DLGAP2: variants seen among roughly 807,000 people sequenced by gnomAD.
DLGAP2 encodes DLG associated protein 2.
A neutral mutation model predicts 100.3 loss-of-function variants in DLGAP2; 26 were observed. The observed-to-expected ratio is 0.26, with a 90% CI of 0.19 to 0.36. DLGAP2 has a LOEUF of 0.36. Among genes scored for constraint, DLGAP2 ranks in the 10% least tolerant of loss-of-function variants. The probability of loss-of-function intolerance (pLI) is 1.00; values close to 1 mark genes in which losing one functional copy is unlikely to be tolerated. For synonymous variants in DLGAP2, 886 were observed against 630.1 expected, an observed-to-expected ratio of 1.41 and a Z score of -6.08; for missense variants, 1,858 against 1,453.2, an observed-to-expected ratio of 1.28 and a Z score of -4.53.
intron 2 of DLGAP2, among the ~76,000 whole-genome samples, chr8:1,087,893 C>A (rs1378163237): frequency 2.0e-5 from 3 of 152,256 alleles, no homozygotes; most frequent in Non-Finnish European, 4.4e-5. Flanking sequence ...CCTGTCTCCA[C>A]ATCCATGTCA....
intron 2 of DLGAP2, among the ~76,000 whole-genome samples, chr8:997,793 A>G (rs1800822507): frequency 6.6e-6 from 1 of 152,192 alleles, no homozygotes; most frequent in African/African-American, 2.4e-5. Context: ...CTACCACAAA[A>G]AGTTAAATTT....
intron 1 of DLGAP2, among the ~76,000 whole-genome samples, chr8:748,347 C>G (rs932335443): frequency 1.3e-5 from 2 of 152,092 alleles, no homozygotes; most frequent in Admixed American, 1.3e-4. Flanking sequence ...TGCTTTCTGT[C>G]TCTGTCTCGC....
In DLGAP2 at chr8:1,285,603, A is replaced by G. The variant is rs960805047; in HGVS notation, c.106+26720A>G. ...GGAAATAATTCTGCTGATTCATACA[A>G]TAATCACTGCTTTTTCAGAGGGGAA... On this transcript the variant is annotated intron_variant, in intron 3 of 14. Transcript: ENST00000637795. Among the ~76,000 whole-genome samples, 46 of 152,226 alleles carry G rather than the reference A, an allele frequency of 3.0e-4. 1 individual carries two copies. The highest frequency in any genetic ancestry group is 7.4e-5 in the Non-Finnish European group (5 of 68,026).
chr8:759,414 C>T lies in DLGAP2; in HGVS notation c.18+21589C>T, dbSNP rs145177407. Among the ~76,000 whole-genome samples, 5 of 152,172 alleles carry T rather than the reference C, an allele frequency of 3.3e-5. No individual in the cohort carries two copies. In the East Asian group the frequency reaches 7.7e-4, roughly 24 times the overall value. On this transcript the variant is annotated intron_variant, in intron 1 of 14. Coordinates refer to ENST00000637795, the MANE Select transcript of DLGAP2 (RefSeq NM_001346810.2). ...TTGACGTGGCTCCCCCTGGGCTGCA[C>T]GTTTCCAGGGTTGGGACACGTTCCC...
chr8:1,688,140 C>G (rs1799161423), intron 12 of DLGAP2: 1 of 152,276 alleles, frequency 6.6e-6, no homozygotes, highest in Admixed American at 6.6e-5. Context: ...CCCTCCACTC[C>G]CCTCACCCCC....
chr8:1,593,180 C>T (rs955881925), intron 6 of DLGAP2, among the ~76,000 whole-genome samples: 10 of 152,210 alleles, frequency 6.6e-5, no homozygotes, highest in African/African-American at 1.9e-4. Flanking sequence ...CTAGGCCTGG[C>T]GTGGTGGCTC....
At chr8:1,430,782 G>A (rs149053604) in intron 3 of DLGAP2, among the ~76,000 whole-genome samples, 27 of 152,186 alleles carry the variant, frequency 1.8e-4, no homozygotes, top group Non-Finnish European at 2.8e-4. Context: ...AACAGTTATT[G>A]AAACATCCTT....
At chr8:973,062 C>T (rs901142490) in intron 2 of DLGAP2, among the ~76,000 whole-genome samples, 21 of 152,242 alleles carry the variant, frequency 1.4e-4, no homozygotes, top group South Asian at 1.0e-3. Context: ...ATCTTTTCAC[C>T]ACATTTCCCC....
chr8:1,231,060 A>G (rs1451737191), intron 2 of DLGAP2, among the ~76,000 whole-genome samples: 1 of 152,256 alleles, frequency 6.6e-6, no homozygotes, highest in Non-Finnish European at 1.5e-5. Context: ...CTATCAACAG[A>G]GTAAACAGCC....
In DLGAP2 at chr8:1,169,241, A is replaced by G. The variant is rs142835685; in HGVS notation, c.74-89610A>G. Among the ~76,000 whole-genome samples, 40 of 152,226 alleles carry G rather than the reference A, an allele frequency of 2.6e-4. No individual in the cohort carries two copies. In the East Asian group the frequency reaches 7.4e-3, roughly 28 times the overall value. ...GCTCTGTTCTGTACTATTGATCTAT[A>G]TCTCTGTTTTGGTACCAGTACCATG... On this transcript the variant is annotated intron_variant, in intron 2 of 14. Coordinates refer to ENST00000637795, the MANE Select transcript of DLGAP2 (RefSeq NM_001346810.2).
chr8:1,445,349 T>C (rs1245861886), intron 3 of DLGAP2, among the ~76,000 whole-genome samples: 1 of 150,872 alleles, frequency 6.6e-6, no homozygotes, highest in African/African-American at 2.4e-5. Flanking sequence ...GTTTGGTTTT[T>C]TGTCCTTGCA....
rs150417545 is a variant in DLGAP2, at chr8:1,417,898, C to G, written c.107-83468C>G. Among the ~76,000 whole-genome samples the G allele has an allele frequency of 1.5e-3, 233 of 152,286 alleles. 1 individual carries two copies. The highest frequency in any genetic ancestry group is 2.4e-3 in the Admixed American group (37 of 15,308). Reference sequence around the variant, plus strand: ...CAACACAAAAGTGCAGTTCCAGGAGCCTTTTGCTCTGATAAAATATTACAT... The same window carrying G: ...CAACACAAAAGTGCAGTTCCAGGAGGCTTTTGCTCTGATAAAATATTACAT... On this transcript the variant is annotated intron_variant, in intron 3 of 14. Coordinates refer to ENST00000637795, the MANE Select transcript of DLGAP2 (RefSeq NM_001346810.2).
chr8:1,444,010 T>C (rs1797912427), intron 3 of DLGAP2, among the ~76,000 whole-genome samples: 1 of 152,230 alleles, frequency 6.6e-6, no homozygotes, highest in South Asian at 2.1e-4. Context: ...ATTATGAGTT[T>C]TCCAGTGTTC....
intron 13 of DLGAP2, among the ~76,000 whole-genome samples, chr8:1,694,507 C>G (rs1799331078): frequency 6.6e-6 from 1 of 152,180 alleles, no homozygotes; most frequent in African/African-American, 2.4e-5. Context: ...GCTTGTGACA[C>G]AACCAGAAGG....
chr8:895,454 C>T (rs1563084102), intron 1 of DLGAP2, among the ~76,000 whole-genome samples: 1 of 152,164 alleles, frequency 6.6e-6, no homozygotes, highest in Non-Finnish European at 1.5e-5. Context: ...GGTCTCTGGA[C>T]GCTGCCCGTC....
intron 2 of DLGAP2, among the ~76,000 whole-genome samples, chr8:995,257 G>A (rs944327543): frequency 1.1e-4 from 17 of 152,176 alleles, no homozygotes; most frequent in Non-Finnish European, 2.2e-4. Context: ...GGTTGGAAGT[G>A]TGTTGCACTT....
intron 8 of DLGAP2, among the ~76,000 whole-genome samples, chr8:1,667,250 C>G (rs763326258): frequency 4.6e-5 from 7 of 152,206 alleles, no homozygotes; most frequent in Non-Finnish European, 7.3e-5. Flanking sequence ...AAGTTATAGC[C>G]TGAGTCCAGG....
At chr8:1,646,073 T>C (rs1798034221) in intron 8 of DLGAP2, among the ~76,000 whole-genome samples, 1 of 152,176 alleles carries the variant, frequency 6.6e-6, no homozygotes, top group Admixed American at 6.5e-5. Context: ...AGATATCTGG[T>C]TAAACATTAT....
At chr8:1,354,529 C>A (rs554509193) in intron 3 of DLGAP2, among the ~76,000 whole-genome samples, 15 of 151,844 alleles carry the variant, frequency 9.9e-5, no homozygotes, top group Non-Finnish European at 1.9e-4. Flanking sequence ...AAAGAAAGAA[C>A]GAAAAGAAAA....
Sources: allele counts gnomAD v4.1 joint callset (sites outside exome capture counted in the v4.1 genomes callset), GRCh38; gene constraint gnomAD v4.1.1; transcripts MANE v1.5; gene names NCBI Gene and HGNC (gene_info 2026-07-23, HGNC 2026-07-21).